Variants in KCNIP4 observed in about 807,000 individuals in gnomAD.
KCNIP4 encodes the protein Kv channel-interacting protein 4.
KCNIP4 carries 12 observed loss-of-function variants against 34.0 expected under a neutral mutation model. The observed-to-expected ratio is 0.35, with a 90% CI of 0.23 to 0.57. The LOEUF (loss-of-function observed/expected upper bound fraction) is 0.57, where lower values mean the gene tolerates loss of function less well. KCNIP4 is among the 20% of genes least tolerant of loss of function. The pLI is 0.83. For missense variants in KCNIP4, 238 were observed against 311.7 expected (o/e 0.76, Z 1.78); for synonymous variants, 124 against 102.2 (o/e 1.21, Z -1.29).
intron 1 of KCNIP4, among the ~76,000 whole-genome samples, chr4:21,106,747 T>A (rs1180567014): frequency 6.6e-6 from 1 of 151,596 alleles, no homozygotes; most frequent in East Asian, 1.9e-4. Flanking sequence ...TGCTATAAAT[T>A]TCCCTCTACA....
At chr4:21,871,032 CT>C (rs1725763315) in intron 1 of KCNIP4, among the ~76,000 whole-genome samples, 1 of 151,556 alleles carries the variant, frequency 6.6e-6, no homozygotes, top group Non-Finnish European at 1.5e-5. Flanking sequence ...AAATTCTCTC[CT>C]TGACTAAATT....
chr4:21,791,333 C>T (rs906873687), intron 1 of KCNIP4, among the ~76,000 whole-genome samples: 8 of 152,112 alleles, frequency 5.3e-5, no homozygotes, highest in African/African-American at 1.9e-4. Context: ...AAGGCTCCAC[C>T]TCCTGATACC....
chr4:21,419,731 T>G (rs2109621140), intron 1 of KCNIP4, among the ~76,000 whole-genome samples: 1 of 152,114 alleles, frequency 6.6e-6, no homozygotes, highest in African/African-American at 2.4e-5. Context: ...GTTAATTCTA[T>G]TAGGCTTTGC....
At chr4:20,948,068 C>T (rs1457275297) in intron 1 of KCNIP4, among the ~76,000 whole-genome samples, 1 of 152,204 alleles carries the variant, frequency 6.6e-6, no homozygotes, top group Non-Finnish European at 1.5e-5. Context: ...TGTGAAAACA[C>T]ATGTTAAATG....
At chr4:21,525,789 T>C (rs1735921675) in intron 1 of KCNIP4, among the ~76,000 whole-genome samples, 1 of 152,104 alleles carries the variant, frequency 6.6e-6, no homozygotes. Flanking sequence ...ACTGAAATAA[T>C]TAATAGAAAT....
Position 21,611,635 on chromosome 4 carries a change from TTTTGTTTG to T in KCNIP4, c.61+336928_61+336935del, listed in dbSNP as rs3050867. ...TATCTCTTCACCTGGTTTAAGGTTTTTTTGTTTGTTTGTTTGTTTGTTTTTGTTTTTGT... is the reference window on the plus strand; with the variant it reads ...TATCTCTTCACCTGGTTTAAGGTTTTTTTGTTTGTTTGTTTTTGTTTTTGT... On this transcript the variant is annotated intron_variant, in intron 1 of 8. Transcript: ENST00000382152. Among the ~76,000 whole-genome samples the T allele has an allele frequency of 6.8e-3, 1,039 of 151,970 alleles. 12 individuals are homozygous for T. Among genetic ancestry groups the T allele is most frequent in the African/African-American group, 0.024 (977 of 41,440 alleles).
intron 1 of KCNIP4, among the ~76,000 whole-genome samples, chr4:21,370,428 C>T (rs1318330931): frequency 6.8e-6 from 1 of 146,320 alleles, no homozygotes; most frequent in Non-Finnish European, 1.5e-5. Context: ...ACCTTATTAT[C>T]CATTCTCTGG....
chr4:21,738,293 G>A (rs992648369), intron 1 of KCNIP4, among the ~76,000 whole-genome samples: 2 of 152,014 alleles, frequency 1.3e-5, no homozygotes, highest in Non-Finnish European at 2.9e-5. Context: ...AATAAAACAT[G>A]TGAGACAAGG....
chr4:21,282,078 G>A (rs1312103894), intron 1 of KCNIP4, among the ~76,000 whole-genome samples: 1 of 152,168 alleles, frequency 6.6e-6, no homozygotes, highest in Non-Finnish European at 1.5e-5. Flanking sequence ...CTAAAAATGT[G>A]TTTTGAAAAA....
chr4:21,746,595 A>ATT (rs1716793876), intron 1 of KCNIP4, among the ~76,000 whole-genome samples: 1 of 117,770 alleles, frequency 8.5e-6, no homozygotes, highest in African/African-American at 3.0e-5. Flanking sequence ...GAAAAAATAA[A>ATT]AAAAAAAGCA....
intron 1 of KCNIP4, among the ~76,000 whole-genome samples, chr4:21,723,475 T>C (rs1703013000): frequency 6.6e-6 from 1 of 152,092 alleles, no homozygotes; most frequent in Non-Finnish European, 1.5e-5. Flanking sequence ...TTTCCAGTAA[T>C]GTACAGCTTG....
Position 21,884,957 on chromosome 4 carries a change from C to CG in KCNIP4, c.61+63613_61+63614insC, listed in dbSNP as rs375158599. ...CAACAAAAGTACAGTAGCCTCCCCC[C>CG]CACTACTGTTATTTTCAAACTTGAT... is the stretch of plus-strand genomic sequence containing the variant. On this transcript the variant is annotated intron_variant, in intron 1 of 8. Transcript: ENST00000382152. Among the ~76,000 whole-genome samples, 482 of 151,150 alleles carry CG rather than the reference C, an allele frequency of 3.2e-3. 1 individual carries two copies. Among genetic ancestry groups the CG allele is most frequent in the African/African-American group, 0.011 (461 of 41,466 alleles).
chr4:21,764,216 G>A (rs1718249420), intron 1 of KCNIP4, among the ~76,000 whole-genome samples: 1 of 152,086 alleles, frequency 6.6e-6, no homozygotes, highest in Admixed American at 6.6e-5. Context: ...AGGATACAGA[G>A]GGTACAGACT....
intron 1 of KCNIP4, among the ~76,000 whole-genome samples, chr4:20,894,337 A>C (rs1726272521): frequency 6.6e-6 from 1 of 152,190 alleles, no homozygotes; most frequent in Non-Finnish European, 1.5e-5. Flanking sequence ...TGGGATTACA[A>C]GGTGTATTTT....
chr4:21,285,035 C>T (rs150075830), intron 1 of KCNIP4, among the ~76,000 whole-genome samples: 6 of 152,244 alleles, frequency 3.9e-5, no homozygotes, highest in Admixed American at 2.0e-4. Context: ...GGCAGTGCCA[C>T]ATTTGATACA....
At chr4:21,765,285 A>G (rs987864777) in intron 1 of KCNIP4, among the ~76,000 whole-genome samples, 2 of 151,520 alleles carry the variant, frequency 1.3e-5, no homozygotes, top group African/African-American at 4.9e-5. Flanking sequence ...CATCCCAAGT[A>G]TCTAGGGCAG....
intron 1 of KCNIP4, among the ~76,000 whole-genome samples, chr4:21,611,016 T>A (rs1365828828): frequency 6.6e-6 from 1 of 152,078 alleles, no homozygotes. Context: ...CTCCTCCCTG[T>A]GTCCATGTGT....
intron 1 of KCNIP4, among the ~76,000 whole-genome samples, chr4:21,510,356 A>C (rs73107977): frequency 0.072 from 10,964 of 152,152 alleles, 1,207 homozygotes; most frequent in African/African-American, 0.24. Context: ...TAAAACAAGG[A>C]CTTTATTGAT....
At chr4:21,832,497 C>T (rs937581501) in intron 1 of KCNIP4, among the ~76,000 whole-genome samples, 2 of 152,146 alleles carry the variant, frequency 1.3e-5, no homozygotes, top group Non-Finnish European at 2.9e-5. Context: ...ACTAATTACC[C>T]ATCTGAGGAA....
Sources: gnomAD v4.1 joint callset for allele counts (sites outside exome capture counted in the v4.1 genomes callset) on GRCh38, gnomAD v4.1.1 for gene constraint, MANE v1.5 for transcripts, NCBI Gene and HGNC (gene_info 2026-07-23, HGNC 2026-07-21) for gene names.